GLB1L2: variants seen among roughly 807,000 people sequenced by gnomAD.
GLB1L2 encodes beta-galactosidase-1-like protein 2.
In GLB1L2, 68 loss-of-function variants were observed where a neutral mutation model predicts 84.1. The observed-to-expected ratio is 0.81, with a 90% CI of 0.67 to 0.99. GLB1L2 has a LOEUF of 0.99. GLB1L2 is among the 50% of genes least tolerant of loss of function. The probability of loss-of-function intolerance (pLI) is 0.00; values close to 1 mark genes in which losing one functional copy is unlikely to be tolerated. For synonymous variants in GLB1L2, 290 were observed against 318.0 expected (o/e 0.91, Z 0.94); for missense variants, 762 against 805.6 (o/e 0.95, Z 0.66).
chr11:134,369,916 A>G, intron 11 of GLB1L2, 31 bp downstream of exon 11: 2 of 1,588,126 alleles, frequency 1.3e-6, no homozygotes. Context: ...TCAAGTTCCA[A>G]CTCAGGCCCT....
At position 134,370,406 on chromosome 11, in the gene GLB1L2, G is replaced by T; in HGVS notation, c.1215+7G>T. 6.2e-7 allele frequency: 1 copy of T among 1,606,420 alleles called. No homozygotes were observed. On this transcript the variant is annotated splice_region_variant and intron_variant, in intron 12 of 18. Coordinates refer to ENST00000535456, the MANE Select transcript of GLB1L2 (RefSeq NM_001370461.1). This position sits in a 1 kb window ranked among gnomAD's most constrained non-coding sequence, Gnocchi z 4.7. ...CCTCAAGTACCTGGGGGAGGTGAGTGCTGTGGGCAGTCATCGGGAGGTGAG... is the reference window on the plus strand; with the variant it reads ...CCTCAAGTACCTGGGGGAGGTGAGTTCTGTGGGCAGTCATCGGGAGGTGAG...
At chr11:134,362,655 C>CTG (rs775401927) in intron 7 of GLB1L2, among the ~76,000 whole-genome samples, 4 of 152,222 alleles carry the variant, frequency 2.6e-5, no homozygotes, top group Non-Finnish European at 5.9e-5. Flanking sequence ...CAGGAATGTG[C>CTG]TGTGGACACT....
intron 15 of GLB1L2, among the ~76,000 whole-genome samples, chr11:134,372,217 A>C (rs1284166258): frequency 6.6e-6 from 1 of 152,132 alleles, no homozygotes; most frequent in African/African-American, 2.4e-5. Flanking sequence ...CTCCACACTG[A>C]AGTTCTCTTC....
chr11:134,375,068 C>A lies in GLB1L2; in HGVS notation c.*10C>A. ...CCAGTACATTAAGTGAGCGGTGGCA[C>A]CCCCTCCTGCTGGTGCCAGTGGGAG... On this transcript the variant is annotated 3_prime_UTR_variant, in exon 19 of 19. Transcript: ENST00000535456. 6.2e-7 allele frequency: 1 copy of A among 1,609,346 alleles called. No homozygotes were observed. Among genetic ancestry groups the A allele is most frequent in the Non-Finnish European group, 8.5e-7 (1 of 1,177,028 alleles).
chr11:134,335,539 T>C (rs978356200), intron 1 of GLB1L2, among the ~76,000 whole-genome samples: 2 of 152,130 alleles, frequency 1.3e-5, no homozygotes, highest in Non-Finnish European at 2.9e-5. Context: ...GAGTTGGCTC[T>C]GGGATTCTTA....
chr11:134,362,337 G>C (rs55659335), intron 7 of GLB1L2, among the ~76,000 whole-genome samples: 44,655 of 109,006 alleles, frequency 0.41, 6,606 homozygotes, highest in East Asian at 0.48. Context: ...CGCTGCCCGC[G>C]TTCCTTCCCC....
chr11:134,355,962 C>T lies in GLB1L2; in HGVS notation c.559-339C>T, dbSNP rs373212494. ...GCATCCTCCTGACCACACCATGCTA[C>T]ATTGGGGTGGGGCAAGAACTTGTGA... On this transcript the variant is annotated intron_variant, in intron 5 of 18. Transcript: ENST00000535456. 2.9e-5 allele frequency: 14 copies of T among 485,274 alleles called. 1 individual carries two copies. Among genetic ancestry groups the T allele is most frequent in the African/African-American group, 1.7e-4 (9 of 51,510 alleles). 30.1% of individuals were successfully genotyped at this position (485,274 alleles called of 1,614,324 possible).
At chr11:134,350,922 T>C (rs73030611) in intron 5 of GLB1L2, among the ~76,000 whole-genome samples, 29,572 of 152,266 alleles carry the variant, frequency 0.19, 3,215 homozygotes, top group Middle Eastern at 0.32. Flanking sequence ...TAGATAGTTT[T>C]TTTTAGGGGT....
In GLB1L2 at chr11:134,352,928, G is replaced by A. The variant is rs182275207; in HGVS notation, c.559-3373G>A. On this transcript the variant is annotated intron_variant, in intron 5 of 18. Transcript: ENST00000535456. ...CTCCCAAAGTGCTGGGATTACAGGC[G>A]TGAGCCACTGCGCCTGGCCTCAATA... 2.8e-3 allele frequency among the ~76,000 whole-genome samples: 423 copies of A among 152,206 alleles called. 8 individuals carry two copies. The East Asian group carries it at 0.043, about 16-fold the overall frequency.
Position 134,374,254 on chromosome 11 carries a change from G to A in GLB1L2, c.1705G>A (p.Glu569Lys). 6.2e-7 allele frequency: 1 copy of A among 1,605,644 alleles called. No homozygotes were observed. The highest frequency in any genetic ancestry group is 2.2e-5 in the East Asian group (1 of 44,812). Reference protein sequence around the residue: ...STPCDTFLKLEGWEKGVVFIN... With the variant: ...STPCDTFLKLKGWEKGVVFIN... ...CCCTTGTGACACCTTTCTGAAGCTGGAGGTTGGTAACGCCCTTTTCCCTGC... is the reference window on the plus strand; with the variant it reads ...CCCTTGTGACACCTTTCTGAAGCTGAAGGTTGGTAACGCCCTTTTCCCTGC... The change falls in exon 17 of 19, where the codon GAG (glutamate) becomes AAG (lysine). Residue 569 changes from glutamate (E) to lysine (K), a missense_variant and splice_region_variant. By Grantham distance (56) the Glu-to-Lys change is moderately conservative. Around this residue, in one of 3 missense-constraint regions of GLB1L2, gnomAD observed 603 missense variants for 611.7 expected, o/e 0.99. Coordinates refer to ENST00000535456, the MANE Select transcript of GLB1L2 (RefSeq NM_001370461.1).
At chr11:134,361,932 C>T (rs1038977052) in intron 7 of GLB1L2, among the ~76,000 whole-genome samples, 1 of 152,202 alleles carries the variant, frequency 6.6e-6, no homozygotes, top group African/African-American at 2.4e-5. Flanking sequence ...GGCCAAGTTC[C>T]TCAGGGAGCC....
chr11:134,363,229 C>G (rs149542167), intron 7 of GLB1L2, among the ~76,000 whole-genome samples: 16 of 152,190 alleles, frequency 1.1e-4, no homozygotes, highest in Non-Finnish European at 2.4e-4. Flanking sequence ...CAGGGAGACC[C>G]AGGTGTGCAG....
At chr11:134,372,272 G>A (rs1186881493) in intron 15 of GLB1L2, among the ~76,000 whole-genome samples, 2 of 152,190 alleles carry the variant, frequency 1.3e-5, no homozygotes, top group African/African-American at 2.4e-5. Flanking sequence ...GGGGGAGGAG[G>A]ATGCGGGACA....
In GLB1L2 at chr11:134,356,281, T is replaced by A. The variant is rs761255400; in HGVS notation, c.559-20T>A. ...TTCCCCTGCACACTCAGCTCCTGGTTTTCTGTCTTTTCTCCGCAGTACAAG... is the reference window on the plus strand; with the variant it reads ...TTCCCCTGCACACTCAGCTCCTGGTATTCTGTCTTTTCTCCGCAGTACAAG... On this transcript the variant is annotated intron_variant, in intron 5 of 18. Coordinates refer to ENST00000535456, the MANE Select transcript of GLB1L2 (RefSeq NM_001370461.1). The A allele has an allele frequency of 6.2e-7, 1 of 1,605,260 alleles. No homozygotes were observed. Among genetic ancestry groups the A allele is most frequent in the Non-Finnish European group, 8.5e-7 (1 of 1,172,096 alleles).
intron 2 of GLB1L2, among the ~76,000 whole-genome samples, chr11:134,343,524 T>C (rs1943501398): frequency 6.6e-6 from 1 of 152,218 alleles, no homozygotes; most frequent in Non-Finnish European, 1.5e-5. Flanking sequence ...TGACGCTAAG[T>C]CTATGAAATA....
intron 2 of GLB1L2, among the ~76,000 whole-genome samples, chr11:134,343,376 C>T (rs150870789): frequency 9.3e-4 from 142 of 152,246 alleles, no homozygotes; most frequent in African/African-American, 3.4e-3. Context: ...GGTTGCCATC[C>T]CAGCCTCTGC....
intron 4 of GLB1L2, chr11:134,346,974 T>C (rs1943560345): frequency 1.2e-5 from 3 of 245,750 alleles, no homozygotes; most frequent in Non-Finnish European, 8.2e-6. Context: ...TTCCTAACCC[T>C]TTTGACTTCA....
At position 134,342,399 on chromosome 11, in the gene GLB1L2, CGCGGGGCT is replaced by C. The variant is rs1943478508; in HGVS notation, c.87-353_87-346del. Among the ~76,000 whole-genome samples the C allele has an allele frequency of 9.9e-5, 15 of 152,090 alleles. No homozygotes were observed. The South Asian group carries it at 2.9e-3, about 29-fold the overall frequency. On this transcript the variant is annotated intron_variant, in intron 1 of 18. Transcript: ENST00000535456. ...GTGTGAAGTCGCTGTCGCGCGTGGC[CGCGGGGCT>C]GGCCACGGTGAAGCCCGTGCGGCGC...
chr11:134,333,476 A>G (rs1415303548), intron 1 of GLB1L2, among the ~76,000 whole-genome samples: 2 of 152,222 alleles, frequency 1.3e-5, no homozygotes, highest in African/African-American at 4.8e-5. Context: ...GCAAGCTGCC[A>G]AGAGAAAGGC....
Sources: allele counts gnomAD v4.1 joint callset (sites outside exome capture counted in the v4.1 genomes callset), GRCh38; gene constraint gnomAD v4.1.1; regional missense constraint gnomAD v4.1.1; non-coding constraint Gnocchi (gnomAD v3.1); transcripts MANE v1.5; gene names NCBI Gene and HGNC (gene_info 2026-07-23, HGNC 2026-07-21).